TMSB15B: variants seen among roughly 807,000 people sequenced by gnomAD.
TMSB15B encodes thymosin beta 15B, also known as thymosin beta-15B.
At chrX:103,941,117 G>A (rs1209357917) in intron 1 of TMSB15B, among the ~76,000 whole-genome samples, 1 of 111,996 alleles carries the variant, frequency 8.9e-6, no homozygotes. Context: ...CTTCTGCATT[G>A]GTCTTGCTGA....
chrX:103,931,950 G>A (rs1333558978), intron 1 of TMSB15B: 6 of 111,773 alleles, frequency 5.4e-5, no homozygotes, highest in African/African-American at 2.0e-4. Flanking sequence ...AATCCCCAAG[G>A]AACTGGGTTT....
intron 1 of TMSB15B, among the ~76,000 whole-genome samples, chrX:103,937,654 G>A (rs1198752550): frequency 9.0e-6 from 1 of 110,687 alleles, no homozygotes; most frequent in Non-Finnish European, 1.9e-5. Flanking sequence ...GGGTTTTTTT[G>A]TGTCTCTATC....
chrX:103,939,985 G>A (rs1352728402), intron 1 of TMSB15B, among the ~76,000 whole-genome samples: 3 of 111,844 alleles, frequency 2.7e-5, no homozygotes, highest in Non-Finnish European at 3.8e-5. Context: ...ACTAGTGGAG[G>A]CTGTAGAACC....
chrX:103,939,384 C>G (rs782143846), intron 1 of TMSB15B, among the ~76,000 whole-genome samples: 43 of 109,690 alleles, frequency 3.9e-4, no homozygotes, highest in Admixed American at 3.6e-3. Flanking sequence ...ATCTCATCTT[C>G]ATGCTTCATT....
At chrX:103,929,602 A>G (rs1213377883) in intron 1 of TMSB15B, among the ~76,000 whole-genome samples, 3 of 112,022 alleles carry the variant, frequency 2.7e-5, no homozygotes, top group Non-Finnish European at 3.8e-5. Context: ...GTCAGGTGCC[A>G]CAAGAACTAG....
intron 1 of TMSB15B, chrX:103,919,345 G>A (rs1485829176): frequency 8.9e-6 from 1 of 112,497 alleles, no homozygotes; most frequent in Non-Finnish European, 1.9e-5. Context: ...CTTCCGCCTC[G>A]GCTCTGCTCC....
At chrX:103,923,529 T>C (rs1285577729) in intron 1 of TMSB15B, among the ~76,000 whole-genome samples, 59 of 111,465 alleles carry the variant, frequency 5.3e-4, no homozygotes, top group African/African-American at 1.9e-3. Flanking sequence ...GTGGTATTAT[T>C]TGTGAGGGCT....
intron 1 of TMSB15B, among the ~76,000 whole-genome samples, chrX:103,922,730 GA>G (rs1210632004): frequency 9.0e-6 from 1 of 111,623 alleles, no homozygotes; most frequent in Non-Finnish European, 1.9e-5. Flanking sequence ...CCAGTAATGG[GA>G]TGGCTGGGTC....
intron 1 of TMSB15B, among the ~76,000 whole-genome samples, chrX:103,934,403 C>T (rs782803048): frequency 1.1e-4 from 12 of 110,060 alleles, no homozygotes; most frequent in African/African-American, 6.6e-5. Flanking sequence ...AGGTTTGTAA[C>T]GTAGGTGTAC....
chrX:103,936,138 G>A (rs371720735), intron 1 of TMSB15B, among the ~76,000 whole-genome samples: 44 of 111,061 alleles, frequency 4.0e-4, no homozygotes, highest in Admixed American at 2.0e-3. Context: ...GAGTCACCGC[G>A]CCCAGCTTCC....
At chrX:103,939,424 C>A (rs2075006808) in intron 1 of TMSB15B, among the ~76,000 whole-genome samples, 1 of 108,928 alleles carries the variant, frequency 9.2e-6, no homozygotes, top group Admixed American at 1.0e-4. Context: ...TCTCTGATAT[C>A]CTTTCTTCCG....
chrX:103,922,866 C>T (rs1216936969), intron 1 of TMSB15B, among the ~76,000 whole-genome samples: 3 of 112,118 alleles, frequency 2.7e-5, no homozygotes, highest in African/African-American at 9.7e-5. Flanking sequence ...TCTCCAGCAC[C>T]TGTTGTTTCC....
intron 1 of TMSB15B, among the ~76,000 whole-genome samples, chrX:103,923,984 T>C (rs1314989948): frequency 8.9e-6 from 1 of 112,082 alleles, no homozygotes; most frequent in African/African-American, 3.2e-5. Flanking sequence ...ATATAACTTA[T>C]GGAACAACTT....
chrX:103,955,179 G>A (rs1278575796), intron 1 of TMSB15B, among the ~76,000 whole-genome samples: 1 of 111,357 alleles, frequency 9.0e-6, no homozygotes, highest in South Asian at 3.8e-4. Context: ...TTGAAGGTAG[G>A]TAAGCCCACA....
intron 1 of TMSB15B, among the ~76,000 whole-genome samples, chrX:103,938,942 GT>G (rs1347617778): frequency 8.9e-6 from 1 of 112,168 alleles, no homozygotes; most frequent in African/African-American, 3.2e-5. Flanking sequence ...TGAAATTCTG[GT>G]TTGAAAATTA....
At chrX:103,954,827 C>T (rs2075047408) in intron 1 of TMSB15B, among the ~76,000 whole-genome samples, 1 of 111,843 alleles carries the variant, frequency 8.9e-6, no homozygotes, top group African/African-American at 3.3e-5. Flanking sequence ...GCCCCCTGCT[C>T]CCTGCTCCCC....
At chrX:103,925,949 G>A (rs2074966862) in intron 1 of TMSB15B, among the ~76,000 whole-genome samples, 1 of 111,816 alleles carries the variant, frequency 8.9e-6, no homozygotes, top group African/African-American at 3.3e-5. Context: ...GGAGAGCTGA[G>A]GACTGTTGGG....
intron 1 of TMSB15B, among the ~76,000 whole-genome samples, chrX:103,950,022 T>C (rs1418989739): frequency 9.0e-6 from 1 of 111,610 alleles, no homozygotes; most frequent in African/African-American, 3.3e-5. Flanking sequence ...CCAATGCTGC[T>C]GATAGGTTAA....
intron 1 of TMSB15B, among the ~76,000 whole-genome samples, chrX:103,946,738 T>C (rs1556327475): frequency 9.0e-6 from 1 of 111,541 alleles, no homozygotes; most frequent in Non-Finnish European, 1.9e-5. Flanking sequence ...CCATGCCTTA[T>C]ACAAAATAAA....
Sources: gnomAD v4.1 joint callset for allele counts (sites outside exome capture counted in the v4.1 genomes callset) on GRCh38, gnomAD v4.1.1 for gene constraint, MANE v1.5 for transcripts, NCBI Gene and HGNC (gene_info 2026-07-23, HGNC 2026-07-21) for gene names.